KCNK10: variants seen among roughly 807,000 people sequenced by gnomAD.
KCNK10 encodes the protein potassium channel subfamily K member 10.
In KCNK10, 25 loss-of-function variants were observed where a neutral mutation model predicts 47.7. The ratio of observed to expected loss-of-function variants is 0.52; its 90% CI spans 0.38 to 0.73. The LOEUF (loss-of-function observed/expected upper bound fraction) is 0.73. Ranked by LOEUF, KCNK10 falls within the 30% of genes least tolerant of loss-of-function variation. The pLI, the probability that KCNK10 is intolerant of heterozygous loss-of-function variation, is 0.00. For synonymous variants in KCNK10, 303 were observed against 285.6 expected (o/e 1.06, Z -0.61); for missense variants, 563 against 714.5 (o/e 0.79, Z 2.42).
In KCNK10 at chr14:88,322,603, C is replaced by T; in HGVS notation, c.52+144G>A. On this transcript the variant is annotated intron_variant, in intron 1 of 6. Transcript: ENST00000319231. This position sits in a 1 kb window ranked among gnomAD's most constrained non-coding sequence, Gnocchi z 4.8. ...CGGAACCCACGCTGCCTCCGCCCTCCTCCCACCCGCGCTGCAGTTCCCAGG... is the reference window on the plus strand; with the variant it reads ...CGGAACCCACGCTGCCTCCGCCCTCTTCCCACCCGCGCTGCAGTTCCCAGG... 9.2e-7 allele frequency: 1 copy of T among 1,087,200 alleles called. No homozygotes were observed. The highest frequency in any genetic ancestry group is 1.4e-6 in the Non-Finnish European group (1 of 734,948). The allele number at this position is 1,087,200 out of a possible 1,614,324, so 67.3% of individuals were successfully genotyped here. A position where few individuals can be genotyped will look rare whatever the true frequency, so the allele number is the denominator to read the frequency against.
At chr14:88,231,712 C>A (rs1460816077) in intron 3 of KCNK10, among the ~76,000 whole-genome samples, 1 of 152,178 alleles carries the variant, frequency 6.6e-6, no homozygotes. Context: ...TGCAGTGCAG[C>A]CCTGTCATTG....
At chr14:88,196,116 G>C (rs868159122) in intron 4 of KCNK10, among the ~76,000 whole-genome samples, 4 of 152,222 alleles carry the variant, frequency 2.6e-5, no homozygotes, top group African/African-American at 7.2e-5. Context: ...GGTTAGACTA[G>C]AGCGCATGTT....
At chr14:88,326,557 C>A, upstream of KCNK10, 1 of 848,440 alleles carries the variant, frequency 1.2e-6, no homozygotes, top group Non-Finnish European at 1.9e-6. Context: ...AAGAGACTGC[C>A]TAGCGTTCCT....
At chr14:88,220,269 T>C (rs1376463681) in intron 4 of KCNK10, among the ~76,000 whole-genome samples, 1 of 150,016 alleles carries the variant, frequency 6.7e-6, no homozygotes, top group African/African-American at 2.5e-5. Flanking sequence ...TACAAAAAAT[T>C]AGCCGGGCGT....
At chr14:88,240,917 C>T in intron 2 of KCNK10, 97 bp from the exon 3 acceptor site, 1 of 714,226 alleles carries the variant, frequency 1.4e-6, no homozygotes, top group Non-Finnish European at 2.3e-6. Context: ...TATTCCCCTA[C>T]TCAAGAACCT....
chr14:88,258,756 G>C (rs1275572676), intron 2 of KCNK10, among the ~76,000 whole-genome samples: 1 of 152,140 alleles, frequency 6.6e-6, no homozygotes, highest in Non-Finnish European at 1.5e-5. Context: ...CACCTTTAGG[G>C]ATAGTGGCCC....
At chr14:88,240,881 C>CAAAAA (rs3837636) in intron 2 of KCNK10, 61 bp from the exon 3 acceptor site, 1 of 713,700 alleles carries the variant, frequency 1.4e-6, no homozygotes. Context: ...TTTTTTTCTT[C>CAAAAA]AAAAAAAAAA....
chr14:88,215,815 G>C (rs558939424), intron 4 of KCNK10, among the ~76,000 whole-genome samples: 1 of 152,148 alleles, frequency 6.6e-6, no homozygotes, highest in African/African-American at 2.4e-5. Flanking sequence ...AATGATAAAC[G>C]CTATCCAGGC....
chr14:88,246,460 G>A (rs1421239536), intron 2 of KCNK10, among the ~76,000 whole-genome samples: 1 of 152,158 alleles, frequency 6.6e-6, no homozygotes, highest in South Asian at 2.1e-4. Context: ...GAAGAGCCTC[G>A]GGTTTGAAGT....
chr14:88,286,186 C>T (rs1469044025), intron 1 of KCNK10, among the ~76,000 whole-genome samples: 1 of 152,180 alleles, frequency 6.6e-6, no homozygotes, highest in Non-Finnish European at 1.5e-5. Context: ...CCTCCCCTAA[C>T]CCCACAGACA....
At chr14:88,212,496 A>G (rs578063944) in intron 4 of KCNK10, among the ~76,000 whole-genome samples, 11 of 152,318 alleles carry the variant, frequency 7.2e-5, no homozygotes, top group East Asian at 3.9e-4. Flanking sequence ...GTCACCCTTT[A>G]AAATGAACTG....
At chr14:88,309,489 C>A (rs1888267839) in intron 1 of KCNK10, among the ~76,000 whole-genome samples, 1 of 152,144 alleles carries the variant, frequency 6.6e-6, no homozygotes, top group Non-Finnish European at 1.5e-5. Context: ...ATAGTCCCAG[C>A]TACTCAGGAG....
intron 4 of KCNK10, among the ~76,000 whole-genome samples, chr14:88,222,659 T>C (rs1029527750): frequency 9.2e-5 from 14 of 152,132 alleles, no homozygotes; most frequent in African/African-American, 2.7e-4. Flanking sequence ...CAAGGGGATA[T>C]GGGATATCTC....
chr14:88,324,159 GA>G (rs1017319735), upstream of KCNK10, among the ~76,000 whole-genome samples: 2 of 152,246 alleles, frequency 1.3e-5, no homozygotes, highest in African/African-American at 4.8e-5. Context: ...GGGATCCTGG[GA>G]CCAGCAGGGC....
chr14:88,316,561 C>T (rs539480582), intron 1 of KCNK10, among the ~76,000 whole-genome samples: 1 of 152,316 alleles, frequency 6.6e-6, no homozygotes, highest in South Asian at 2.1e-4. Context: ...GACCACACTC[C>T]TAGTGCCATG....
At chr14:88,284,422 T>G (rs1454303907) in intron 1 of KCNK10, among the ~76,000 whole-genome samples, 1 of 152,044 alleles carries the variant, frequency 6.6e-6, no homozygotes, top group East Asian at 1.9e-4. Flanking sequence ...GATCACAAGG[T>G]GTCCCACAAT....
At chr14:88,243,051 G>T (rs370185533) in intron 2 of KCNK10, among the ~76,000 whole-genome samples, 1 of 152,180 alleles carries the variant, frequency 6.6e-6, no homozygotes, top group Non-Finnish European at 1.5e-5. Flanking sequence ...AAAAGACAAT[G>T]GGGACGATGA....
In KCNK10 at chr14:88,310,157, C is replaced by G. The variant is rs147758355; in HGVS notation, c.52+12590G>C. On this transcript the variant is annotated intron_variant, in intron 1 of 6. Transcript: ENST00000319231. The stretch of plus-strand genomic sequence containing the variant: ...CTGATGTTTTAATCCATATCTCTCT[C>G]ATATACCATATCATATGGTATATGA... 7.8e-4 allele frequency among the ~76,000 whole-genome samples: 34 copies of G among 43,564 alleles called. 2 individuals carry two copies. The highest frequency in any genetic ancestry group is 3.0e-3 in the African/African-American group (34 of 11,392). 28.6% of individuals were successfully genotyped at this position (43,564 alleles called of 152,430 possible).
chr14:88,270,774 TA>T (rs1424981900), intron 1 of KCNK10: 3 of 780,890 alleles, frequency 3.8e-6, no homozygotes, highest in Non-Finnish European at 7.2e-6. Context: ...CTGTCCCCCT[TA>T]AATCCATCCT....
Sources: allele counts gnomAD v4.1 joint callset (sites outside exome capture counted in the v4.1 genomes callset), GRCh38; gene constraint gnomAD v4.1.1; non-coding constraint Gnocchi (gnomAD v3.1); transcripts MANE v1.5; gene names NCBI Gene and HGNC (gene_info 2026-07-23, HGNC 2026-07-21).